SCHIP1: variants seen among roughly 807,000 people sequenced by gnomAD.
The protein encoded by SCHIP1 is schwannomin interacting protein 1, also known as schwannomin-interacting protein 1.
A neutral mutation model predicts 29.7 loss-of-function variants in SCHIP1; 8 were observed. The ratio of observed to expected loss-of-function variants is 0.27; its 90% CI spans 0.16 to 0.49. The LOEUF (loss-of-function observed/expected upper bound fraction) is 0.49, where lower values mean the gene tolerates loss of function less well. Among genes scored for constraint, SCHIP1 ranks in the 20% least tolerant of loss-of-function variants. The pLI is 0.99. For missense variants in SCHIP1, 193 were observed against 294.6 expected (o/e 0.66, Z 2.52); for synonymous variants, 76 against 94.9 (o/e 0.80, Z 1.16).
At chr3:159,751,633 C>T in the SCHIP1 span, among the ~76,000 whole-genome samples, 1 of 151,674 alleles carries the variant, frequency 6.6e-6, no homozygotes, top group African/African-American at 2.4e-5. Context: ...CAAGCTCTGC[C>T]TCCCAGGTTC....
At chr3:159,667,310 C>T in the SCHIP1 span, among the ~76,000 whole-genome samples, 3 of 152,310 alleles carry the variant, frequency 2.0e-5, no homozygotes, top group South Asian at 6.2e-4. Context: ...TGAATAACGC[C>T]CAGTTCCACC....
chr3:159,702,636 C>T, the SCHIP1 span, among the ~76,000 whole-genome samples: 21 of 152,330 alleles, frequency 1.4e-4, no homozygotes, highest in African/African-American at 3.6e-4. Flanking sequence ...AGAAAAAATG[C>T]GCTCTGAAAA....
chr3:159,415,621 A>G, the SCHIP1 span, among the ~76,000 whole-genome samples: 1 of 152,184 alleles, frequency 6.6e-6, no homozygotes, highest in Non-Finnish European at 1.5e-5. Flanking sequence ...CACAAAAGAC[A>G]TGATCTTGTT....
At chr3:159,441,843 T>C in the SCHIP1 span, among the ~76,000 whole-genome samples, 32 of 151,814 alleles carry the variant, frequency 2.1e-4, no homozygotes, top group Non-Finnish European at 4.0e-4. Flanking sequence ...AGGCAAGGAT[T>C]CTATTATTAT....
chr3:159,680,706 T>TGTATATATATATAC, the SCHIP1 span, among the ~76,000 whole-genome samples: 7 of 12,422 alleles, frequency 5.6e-4, no homozygotes, highest in Admixed American at 2.1e-3. Flanking sequence ...TAATATATAT[T>TGTATATATATATAC]ATATATAATA....
At chr3:159,720,291 A>ACC in the SCHIP1 span, among the ~76,000 whole-genome samples, 1 of 151,966 alleles carries the variant, frequency 6.6e-6, no homozygotes, top group African/African-American at 2.4e-5. Context: ...TGTAAATGAC[A>ACC]AGTTAACGGG....
the SCHIP1 span, among the ~76,000 whole-genome samples, chr3:159,781,164 T>C: frequency 6.6e-6 from 1 of 152,310 alleles, no homozygotes; most frequent in African/African-American, 2.4e-5. Context: ...TGAATCCATT[T>C]TGGAGCAAGA....
At chr3:159,632,147 T>G in the SCHIP1 span, among the ~76,000 whole-genome samples, 1 of 152,224 alleles carries the variant, frequency 6.6e-6, no homozygotes, top group African/African-American at 2.4e-5. Context: ...AACCAGCTCG[T>G]TTGAGGACTA....
the SCHIP1 span, among the ~76,000 whole-genome samples, chr3:159,523,673 A>G: frequency 1.4e-4 from 22 of 152,182 alleles, no homozygotes; most frequent in Admixed American, 6.5e-5. Flanking sequence ...CCATCCATCT[A>G]TCCATCCCGT....
At chr3:159,588,879 T>C in the SCHIP1 span, among the ~76,000 whole-genome samples, 1 of 152,306 alleles carries the variant, frequency 6.6e-6, no homozygotes, top group African/African-American at 2.4e-5. Context: ...TGTAGTAGAG[T>C]TTGAAGTCAG....
the SCHIP1 span, chr3:159,273,904 C>T: frequency 1.2e-6 from 2 of 1,612,400 alleles, no homozygotes; most frequent in African/African-American, 2.7e-5. Flanking sequence ...CAAATGTCTA[C>T]CATCTATTTT....
At chr3:159,797,961 G>A in the SCHIP1 span, among the ~76,000 whole-genome samples, 4 of 152,162 alleles carry the variant, frequency 2.6e-5, no homozygotes, top group Non-Finnish European at 5.9e-5. Flanking sequence ...AAAGCAGAGG[G>A]GGCTTCCTTA....
At chr3:159,275,698 C>G in the SCHIP1 span, among the ~76,000 whole-genome samples, 3 of 152,082 alleles carry the variant, frequency 2.0e-5, no homozygotes, top group Non-Finnish European at 2.9e-5. Flanking sequence ...GAAATTGTTG[C>G]TGTATGACAA....
chr3:159,754,473 T>A, the SCHIP1 span, among the ~76,000 whole-genome samples: 3 of 152,216 alleles, frequency 2.0e-5, no homozygotes, highest in Non-Finnish European at 2.9e-5. Context: ...TATTGAACCG[T>A]TCTGTTGGGA....
At chr3:159,519,304 A>G in the SCHIP1 span, among the ~76,000 whole-genome samples, 1 of 152,192 alleles carries the variant, frequency 6.6e-6, no homozygotes, top group African/African-American at 2.4e-5. Flanking sequence ...GAATCCAACT[A>G]CAGGCTTGAT....
At chr3:159,582,330 A>AT in the SCHIP1 span, among the ~76,000 whole-genome samples, 39 of 148,034 alleles carry the variant, frequency 2.6e-4, no homozygotes, top group South Asian at 6.5e-4. Context: ...TGTCTGGCTT[A>AT]TTTTTTTTTT....
chr3:159,455,689 T>A, the SCHIP1 span, among the ~76,000 whole-genome samples: 1 of 152,160 alleles, frequency 6.6e-6, no homozygotes, highest in African/African-American at 2.4e-5. Flanking sequence ...ATGATCAAGG[T>A]TCTTATTTCA....
At chr3:159,437,587 C>T in the SCHIP1 span, among the ~76,000 whole-genome samples, 10 of 151,916 alleles carry the variant, frequency 6.6e-5, no homozygotes, top group South Asian at 8.3e-4. Flanking sequence ...TGTGAAATTC[C>T]GGAGGAAGGA....
intron 1 of SCHIP1, among the ~76,000 whole-genome samples, chr3:159,845,099 G>T (rs894016680): frequency 6.6e-6 from 1 of 152,146 alleles, no homozygotes; most frequent in Non-Finnish European, 1.5e-5. Flanking sequence ...AGGCAGAAAT[G>T]CTTCTCGCTC....
Sources: gnomAD v4.1 joint callset for allele counts (sites outside exome capture counted in the v4.1 genomes callset) on GRCh38, gnomAD v4.1.1 for gene constraint, MANE v1.5 for transcripts, NCBI Gene and HGNC (gene_info 2026-07-23, HGNC 2026-07-21) for gene names.